The following SLCO6A1 variants were observed in gnomAD, a reference collection of about 807,000 sequenced individuals.
SLCO6A1 encodes the protein cancer/testis antigen 48.
Under a neutral mutation model 72.7 loss-of-function variants are expected in SLCO6A1, and 65 were observed. The observed-to-expected ratio is 0.89, with a 90% CI of 0.73 to 1.10. SLCO6A1 has a LOEUF of 1.10. Ranked by LOEUF, SLCO6A1 falls within the 50% of genes least tolerant of loss-of-function variation. The probability of loss-of-function intolerance (pLI) is 0.00; values close to 1 mark genes in which losing one functional copy is unlikely to be tolerated. For synonymous variants in SLCO6A1, 314 were observed against 298.2 expected (o/e 1.05, Z -0.55); for missense variants, 874 against 872.6 (o/e 1.00, Z -0.02).
chr5:102,486,944 G>C (rs1752470317), intron 1 of SLCO6A1, among the ~76,000 whole-genome samples: 1 of 152,162 alleles, frequency 6.6e-6, no homozygotes, highest in Middle Eastern at 3.4e-3. Context: ...ATTATTATTT[G>C]AGTTAATTTA....
chr5:102,372,747 T>G (rs1222918650), intron 13 of SLCO6A1, among the ~76,000 whole-genome samples: 3 of 151,406 alleles, frequency 2.0e-5, no homozygotes, highest in African/African-American at 7.3e-5. Flanking sequence ...GAATTTTATG[T>G]TTACTAAGAT....
At chr5:102,411,848 G>A (rs987007572) in intron 9 of SLCO6A1, among the ~76,000 whole-genome samples, 1 of 152,126 alleles carries the variant, frequency 6.6e-6, no homozygotes, top group African/African-American at 2.4e-5. Context: ...ATGTGCATCT[G>A]TAAAGAATCT....
chr5:102,481,747 T>A (rs924897498), intron 1 of SLCO6A1, among the ~76,000 whole-genome samples: 2 of 152,192 alleles, frequency 1.3e-5, no homozygotes, highest in Non-Finnish European at 2.9e-5. Flanking sequence ...GCTGTTACAC[T>A]TTCTCCCAAA....
intron 1 of SLCO6A1, among the ~76,000 whole-genome samples, chr5:102,495,291 G>C (rs951270163): frequency 6.6e-6 from 1 of 152,208 alleles, no homozygotes; most frequent in Non-Finnish European, 1.5e-5. Flanking sequence ...GTGATGGAAA[G>C]TTTCTAAAAT....
At chr5:102,457,577 G>C (rs1178680391) in intron 6 of SLCO6A1, among the ~76,000 whole-genome samples, 1 of 152,176 alleles carries the variant, frequency 6.6e-6, no homozygotes, top group Non-Finnish European at 1.5e-5. Flanking sequence ...AGTTAGAATG[G>C]CGATCATTAA....
At position 102,481,955 on chromosome 5, in the gene SLCO6A1, A is replaced by G. The variant is rs185298991; in HGVS notation, c.359-1521T>C. Among the ~76,000 whole-genome samples, 229 of 152,314 alleles carry G rather than the reference A, an allele frequency of 1.5e-3. 1 individual carries two copies. Among genetic ancestry groups the G allele is most frequent in the South Asian group, 7.2e-3 (35 of 4,828 alleles). Reference sequence around the variant, plus strand: ...TATATTGCCAAAGAAGCCACGAGCCAGATTTGGAGCCACAACTAGTTTCAG... The same window carrying G: ...TATATTGCCAAAGAAGCCACGAGCCGGATTTGGAGCCACAACTAGTTTCAG... On this transcript the variant is annotated intron_variant, in intron 1 of 13. Transcript: ENST00000506729.
At chr5:102,417,412 A>G (rs1444867111) in intron 8 of SLCO6A1, among the ~76,000 whole-genome samples, 2 of 150,100 alleles carry the variant, frequency 1.3e-5, no homozygotes, top group Admixed American at 6.6e-5. Context: ...CTTTTTGTTC[A>G]CTTTTTCCTT....
At chr5:102,372,718 AG>A (rs1426968116) in intron 13 of SLCO6A1, among the ~76,000 whole-genome samples, 1 of 151,522 alleles carries the variant, frequency 6.6e-6, no homozygotes, top group Non-Finnish European at 1.5e-5. Flanking sequence ...AAAAACAGGT[AG>A]AAGTATATGA....
intron 7 of SLCO6A1, among the ~76,000 whole-genome samples, chr5:102,427,712 T>G (rs1361710142): frequency 6.6e-6 from 1 of 151,678 alleles, no homozygotes; most frequent in East Asian, 1.9e-4. Context: ...ACTATTGACT[T>G]TAGTTAGTAA....
chr5:102,478,122 C>T (rs1304547543), intron 2 of SLCO6A1, among the ~76,000 whole-genome samples: 2 of 151,796 alleles, frequency 1.3e-5, no homozygotes, highest in Non-Finnish European at 2.9e-5. Flanking sequence ...AGGATTGTGA[C>T]AAGCCTGGGC....
In SLCO6A1 at chr5:102,497,222, C is replaced by T. The variant is rs116106588; in HGVS notation, c.358+1265G>A. 8.4e-3 allele frequency among the ~76,000 whole-genome samples: 1,285 copies of T among 152,264 alleles called. 10 individuals are homozygous for T. The highest frequency in any genetic ancestry group is 0.014 in the Non-Finnish European group (966 of 68,026). On this transcript the variant is annotated intron_variant, in intron 1 of 13. Transcript: ENST00000506729. ...GGTCTAAAGTGTTCAAATTCACCTT[C>T]TTCAAAATATGTGGGCAAAAATAAC...
chr5:102,389,598 G>C (rs1430815759), intron 11 of SLCO6A1, among the ~76,000 whole-genome samples: 1 of 150,586 alleles, frequency 6.6e-6, no homozygotes, highest in African/African-American at 2.5e-5. Context: ...GCATTATCTA[G>C]ATTCGCTCCT....
intron 12 of SLCO6A1, among the ~76,000 whole-genome samples, chr5:102,382,381 T>C (rs1428817719): frequency 2.6e-5 from 4 of 151,826 alleles, no homozygotes; most frequent in Non-Finnish European, 4.4e-5. Context: ...TTGGTTACTA[T>C]AGCTTTGTAG....
At chr5:102,494,642 T>C (rs1403910341) in intron 1 of SLCO6A1, among the ~76,000 whole-genome samples, 6 of 152,148 alleles carry the variant, frequency 3.9e-5, no homozygotes, top group Middle Eastern at 3.2e-3. Flanking sequence ...AAAAAGCATA[T>C]AAACAGATGT....
chr5:102,498,834 C>G lies in SLCO6A1; in HGVS notation c.11G>C (p.Gly4Ala). The change falls in exon 1 of 14, where the codon GGC (glycine) becomes GCC (alanine). Residue 4 changes from glycine to alanine, a missense_variant. Transcript: ENST00000506729. The stretch of plus-strand genomic sequence containing the variant: ...CTGGCTCCCAGAGTGCCGGGCGACG[C>G]CTACGAACATGGCTCACCCTGGGCG... MFV[G>A]VARHSGSQDE... The G allele has an allele frequency of 2.5e-6, 4 of 1,609,306 alleles. No individual in the cohort carries two copies. The highest frequency in any genetic ancestry group is 3.4e-6 in the Non-Finnish European group (4 of 1,178,568).
chr5:102,387,204 A>AT (rs1490293927), intron 12 of SLCO6A1, among the ~76,000 whole-genome samples: 2 of 152,186 alleles, frequency 1.3e-5, no homozygotes, highest in Non-Finnish European at 2.9e-5. Flanking sequence ...ACACCAAGTG[A>AT]TTTTGAGTCA....
At chr5:102,485,039 G>A (rs1001421613) in intron 1 of SLCO6A1, among the ~76,000 whole-genome samples, 1 of 151,896 alleles carries the variant, frequency 6.6e-6, no homozygotes, top group Non-Finnish European at 1.5e-5. Context: ...ATCACCTGAG[G>A]TCAGGAGTTC....
intron 9 of SLCO6A1, among the ~76,000 whole-genome samples, chr5:102,401,915 A>G (rs1237782924): frequency 1.3e-5 from 2 of 152,128 alleles, no homozygotes; most frequent in African/African-American, 4.8e-5. Context: ...CAGACAAAAG[A>G]TATTTAGCAC....
rs949743035 is a variant in SLCO6A1 at position 102,371,863 on chromosome 5, T to A, written c.*276A>T. On this transcript the variant is annotated 3_prime_UTR_variant, in exon 14 of 14. Transcript: ENST00000506729. ...TAGACAGCAGAATATTAAGAAGAAA[T>A]GTAAATAATCTAAAATTATTAAACT... The A allele has an allele frequency of 4.6e-5, 7 of 151,990 alleles. No individual in the cohort carries two copies. Among genetic ancestry groups the A allele is most frequent in the Non-Finnish European group, 8.8e-5 (6 of 67,916 alleles). The allele number at this position is 151,990 out of a possible 1,614,324, so 9.4% of individuals were successfully genotyped here.
Sources: allele counts gnomAD v4.1 joint callset (sites outside exome capture counted in the v4.1 genomes callset), GRCh38; gene constraint gnomAD v4.1.1; transcripts MANE v1.5; gene names NCBI Gene and HGNC (gene_info 2026-07-23, HGNC 2026-07-21).